Variants in DNER observed in about 807,000 individuals in gnomAD.
DNER encodes the protein delta and Notch-like epidermal growth factor-related receptor.
Under a neutral mutation model 78.2 loss-of-function variants are expected in DNER, and 33 were observed. The observed-to-expected ratio is 0.42, with a 90% CI of 0.32 to 0.56. DNER has a LOEUF of 0.56. DNER is among the 20% of genes least tolerant of loss of function. The probability of loss-of-function intolerance (pLI) is 0.11; values close to 1 mark genes in which losing one functional copy is unlikely to be tolerated. For synonymous variants in DNER, 417 were observed against 384.8 expected (o/e 1.08, Z -0.98); for missense variants, 918 against 975.3 (o/e 0.94, Z 0.78).
chr2:229,577,861 A>G (rs1697330675), intron 4 of DNER, among the ~76,000 whole-genome samples: 1 of 152,256 alleles, frequency 6.6e-6, no homozygotes, highest in African/African-American at 2.4e-5. Flanking sequence ...ATCCTTAAAA[A>G]TATATAATCA....
intron 1 of DNER, among the ~76,000 whole-genome samples, chr2:229,620,530 C>T (rs552256045): frequency 6.6e-6 from 1 of 152,336 alleles, no homozygotes; most frequent in African/African-American, 2.4e-5. Flanking sequence ...GAGCCGCAGC[C>T]TCGAGGCAGA....
chr2:229,684,124 T>TGTG lies in DNER; in HGVS notation c.276+30023_276+30024insCAC, dbSNP rs1559208232. ...AGAGTGTGTGTGTGTGTGTGTGTGT[T>TGTG]TGTGTGTGTGTCTGTGTATGTGAGA... is the stretch of plus-strand genomic sequence containing the variant. On this transcript the variant is annotated intron_variant, in intron 1 of 12. Transcript: ENST00000341772. 4.6e-3 allele frequency among the ~76,000 whole-genome samples: 309 copies of TGTG among 67,690 alleles called. 8 individuals carry two copies. The highest frequency in any genetic ancestry group is 0.044 in the East Asian group (110 of 2,472). The allele number at this position is 67,690 out of a possible 152,430, so 44.4% of individuals were successfully genotyped here.
At chr2:229,502,268 T>C (rs1695635534) in intron 6 of DNER, among the ~76,000 whole-genome samples, 1 of 152,196 alleles carries the variant, frequency 6.6e-6, no homozygotes, top group East Asian at 1.9e-4. Flanking sequence ...GTGACTGGAA[T>C]CAACAAACAG....
chr2:229,712,697 T>G (rs1429765168), intron 1 of DNER, among the ~76,000 whole-genome samples: 3 of 152,234 alleles, frequency 2.0e-5, no homozygotes, highest in Admixed American at 2.0e-4. Context: ...TTTGTTCTAA[T>G]GGTTAGAATG....
intron 8 of DNER, among the ~76,000 whole-genome samples, chr2:229,423,369 C>T (rs1693806236): frequency 6.6e-6 from 1 of 152,070 alleles, no homozygotes; most frequent in South Asian, 2.1e-4. Flanking sequence ...AATCCCAGCA[C>T]TTTGGGAGGC....
chr2:229,626,419 A>C (rs1452544623), intron 1 of DNER, among the ~76,000 whole-genome samples: 2 of 152,240 alleles, frequency 1.3e-5, no homozygotes, highest in East Asian at 3.8e-4. Context: ...AATTTTAGAA[A>C]TAGGAAAGAT....
At chr2:229,689,904 A>G (rs208791) in intron 1 of DNER, among the ~76,000 whole-genome samples, 128,691 of 152,184 alleles carry the variant, frequency 0.85, 54,639 homozygotes, top group East Asian at 0.94. Flanking sequence ...CTCTAGCATA[A>G]CAACCTAGCA....
intron 8 of DNER, among the ~76,000 whole-genome samples, chr2:229,440,890 C>A (rs1694219871): frequency 6.6e-6 from 1 of 152,180 alleles, no homozygotes; most frequent in Admixed American, 6.5e-5. Flanking sequence ...CAAGTTCATG[C>A]CTTTATTTCT....
At chr2:229,383,499 C>G (rs547423384) in intron 11 of DNER, among the ~76,000 whole-genome samples, 1 of 152,262 alleles carries the variant, frequency 6.6e-6, no homozygotes, top group Non-Finnish European at 1.5e-5. Flanking sequence ...CATTGGTGTG[C>G]TGTATTCAGG....
intron 4 of DNER, among the ~76,000 whole-genome samples, chr2:229,564,606 TCAC>T (rs747205025): frequency 7.4e-5 from 11 of 148,474 alleles, no homozygotes; most frequent in African/African-American, 2.3e-4. Context: ...ATCATCATCC[TCAC>T]CACATCACCA....
At chr2:229,531,140 G>C (rs576301686) in intron 5 of DNER, among the ~76,000 whole-genome samples, 3 of 152,180 alleles carry the variant, frequency 2.0e-5, no homozygotes, top group African/African-American at 7.2e-5. Flanking sequence ...AGAATGAGCA[G>C]ATATGTCAGC....
chr2:229,714,140 C>G lies in DNER; in HGVS notation c.276+8G>C, dbSNP rs1382482593. 5.4e-6 allele frequency: 7 copies of G among 1,302,996 alleles called. No homozygotes were observed. The highest frequency in any genetic ancestry group is 5.8e-6 in the Non-Finnish European group (6 of 1,026,400). The allele number at this position is 1,302,996 out of a possible 1,614,324, so 80.7% of individuals were successfully genotyped here. A position where few individuals can be genotyped will look rare whatever the true frequency, so the allele number is the denominator to read the frequency against. On this transcript the variant is annotated splice_region_variant and intron_variant, in intron 1 of 12. Transcript: ENST00000341772. ...GCGCCCCGCACCGCGCCCGCCGCTT[C>G]CACTCACCTGGCAGTTGGCGCCGGA... is the stretch of plus-strand genomic sequence containing the variant.
intron 6 of DNER, among the ~76,000 whole-genome samples, chr2:229,484,806 T>C (rs1232808855): frequency 2.6e-5 from 4 of 152,352 alleles, no homozygotes; most frequent in South Asian, 2.1e-4. Flanking sequence ...TTTAGGTCAA[T>C]GGAACCTTAG....
chr2:229,619,264 TA>T (rs1405499996), intron 1 of DNER, among the ~76,000 whole-genome samples: 1 of 152,198 alleles, frequency 6.6e-6, no homozygotes, highest in Non-Finnish European at 1.5e-5. Flanking sequence ...ATTGAATAAT[TA>T]TGCACTGTAT....
At position 229,382,856 on chromosome 2, in the gene DNER, G is replaced by A. The variant is rs535410099; in HGVS notation, c.1855+5409C>T. ...GAAAACACTTTTTAGGATATTATCCGGGAGAACTTCCCCAACCTAGCAAGA... is the reference window on the plus strand; with the variant it reads ...GAAAACACTTTTTAGGATATTATCCAGGAGAACTTCCCCAACCTAGCAAGA... On this transcript the variant is annotated intron_variant, in intron 11 of 12. Coordinates refer to ENST00000341772, the MANE Select transcript of DNER (RefSeq NM_139072.4). Among the ~76,000 whole-genome samples, 10 of 152,180 alleles carry A rather than the reference G, an allele frequency of 6.6e-5. 1 individual carries two copies. The South Asian group carries it at 8.3e-4, about 13-fold the overall frequency.
chr2:229,601,145 G>C (rs1270999859), intron 1 of DNER, among the ~76,000 whole-genome samples: 1 of 152,124 alleles, frequency 6.6e-6, no homozygotes, highest in East Asian at 1.9e-4. Context: ...TCTTAATATT[G>C]TGTTTCTATG....
chr2:229,632,162 G>A (rs1379232387), intron 1 of DNER, among the ~76,000 whole-genome samples: 1 of 152,196 alleles, frequency 6.6e-6, no homozygotes, highest in African/African-American at 2.4e-5. Flanking sequence ...AGGATGAGAA[G>A]TCAAACATTG....
rs766950489 is a variant in DNER at position 229,374,965 on chromosome 2, A to G, written c.1856-7846T>C. 7.6e-4 allele frequency among the ~76,000 whole-genome samples: 116 copies of G among 152,196 alleles called. 1 individual carries two copies. The highest frequency in any genetic ancestry group is 2.8e-4 in the Non-Finnish European group (19 of 68,036). ...CAAAAGGCATGAAAAGCATTTCCCT[A>G]TGCTGTACACATCCATCAGAGCTCT... On this transcript the variant is annotated intron_variant, in intron 11 of 12. Coordinates refer to ENST00000341772, the MANE Select transcript of DNER (RefSeq NM_139072.4).
At chr2:229,487,727 A>T (rs896363359) in intron 6 of DNER, among the ~76,000 whole-genome samples, 2 of 152,352 alleles carry the variant, frequency 1.3e-5, no homozygotes, top group African/African-American at 4.8e-5. Flanking sequence ...GTGAAAATTC[A>T]CATTTGGGGA....
Sources: gnomAD v4.1 joint callset for allele counts (sites outside exome capture counted in the v4.1 genomes callset) on GRCh38, gnomAD v4.1.1 for gene constraint, MANE v1.5 for transcripts, NCBI Gene and HGNC (gene_info 2026-07-23, HGNC 2026-07-21) for gene names.